The following TUSC3 variants were observed in gnomAD, a reference collection of about 807,000 sequenced individuals.
TUSC3 encodes dolichyl-diphosphooligosaccharide--protein glycosyltransferase subunit TUSC3.
TUSC3 carries 45 observed loss-of-function variants against 44.8 expected under a neutral mutation model. The observed-to-expected ratio is 1.00, with a 90% CI of 0.79 to 1.29. The LOEUF (loss-of-function observed/expected upper bound fraction) is 1.29. Among genes scored for constraint, TUSC3 ranks in the 50% most tolerant of loss-of-function variants. TUSC3 has a pLI of 0.00. For missense variants in TUSC3, 519 were observed against 437.9 expected (o/e 1.19, Z -1.65); for synonymous variants, 212 against 152.9 (o/e 1.39, Z -2.85).
intron 6 of TUSC3, among the ~76,000 whole-genome samples, chr8:15,687,095 A>C (rs1178352644): frequency 6.6e-6 from 1 of 152,204 alleles, no homozygotes; most frequent in Non-Finnish European, 1.5e-5. Flanking sequence ...AAACAAAAAA[A>C]TGGTAAGACA....
At chr8:15,508,655 G>A (rs1319095568) in intron 2 of TUSC3, among the ~76,000 whole-genome samples, 1 of 151,894 alleles carries the variant, frequency 6.6e-6, no homozygotes, top group Non-Finnish European at 1.5e-5. Flanking sequence ...TAGAGACCAG[G>A]TTTCACCGTG....
intron 1 of TUSC3, among the ~76,000 whole-genome samples, chr8:15,573,127 A>G (rs1305965761): frequency 1.4e-5 from 2 of 143,216 alleles, no homozygotes; most frequent in Non-Finnish European, 3.0e-5. Flanking sequence ...AAAAGGAAGT[A>G]TGTTTGCTTA....
chr8:15,711,111 T>G (rs1809828761), intron 6 of TUSC3, among the ~76,000 whole-genome samples: 1 of 151,736 alleles, frequency 6.6e-6, no homozygotes, highest in African/African-American at 2.4e-5. Context: ...ACCTCCGTTT[T>G]CTTCGCTTTC....
intron 6 of TUSC3, among the ~76,000 whole-genome samples, chr8:15,684,374 G>A (rs1270944212): frequency 6.6e-6 from 1 of 152,136 alleles, no homozygotes; most frequent in African/African-American, 2.4e-5. Flanking sequence ...GAAGGGCAGA[G>A]GATCCTGACC....
chr8:15,494,781 G>A (rs1296075755), intron 2 of TUSC3, among the ~76,000 whole-genome samples: 1 of 152,172 alleles, frequency 6.6e-6, no homozygotes, highest in Non-Finnish European at 1.5e-5. Flanking sequence ...AATAGACAAT[G>A]CAGCCCTGCA....
At chr8:15,844,860 T>C in the TUSC3 span, among the ~76,000 whole-genome samples, 1 of 152,180 alleles carries the variant, frequency 6.6e-6, no homozygotes, top group Non-Finnish European at 1.5e-5. Context: ...CAATTTAATG[T>C]GGCAGCATGA....
the TUSC3 span, among the ~76,000 whole-genome samples, chr8:15,825,621 G>C: frequency 6.6e-6 from 1 of 152,102 alleles, no homozygotes; most frequent in Admixed American, 6.6e-5. Context: ...CTCTATTAAA[G>C]ACACTGCTCT....
At chr8:15,435,541 G>A (rs996240930) in intron 1 of TUSC3, among the ~76,000 whole-genome samples, 2 of 152,072 alleles carry the variant, frequency 1.3e-5, no homozygotes, top group African/African-American at 4.8e-5. Flanking sequence ...TAATATAGAA[G>A]TACTGGACTG....
chr8:15,591,890 A>G (rs1309529269), intron 1 of TUSC3, among the ~76,000 whole-genome samples: 2 of 152,180 alleles, frequency 1.3e-5, no homozygotes, highest in African/African-American at 4.8e-5. Flanking sequence ...AGTTTAAATC[A>G]AGGAGGTGAC....
chr8:15,601,917 A>AT (rs5889587), intron 1 of TUSC3, among the ~76,000 whole-genome samples: 127,532 of 149,290 alleles, frequency 0.85, 54,659 homozygotes, highest in Non-Finnish European at 0.87. Context: ...TTATTTATGT[A>AT]TTTTTTTTTA....
chr8:15,676,288 CTGTT>C (rs1293975461), intron 6 of TUSC3, among the ~76,000 whole-genome samples: 1 of 152,148 alleles, frequency 6.6e-6, no homozygotes. Context: ...TCAGAAGTGT[CTGTT>C]CATGTCTTTG....
chr8:15,761,327 G>C (rs1233191646), intron 10 of TUSC3, among the ~76,000 whole-genome samples: 1 of 152,126 alleles, frequency 6.6e-6, no homozygotes, highest in African/African-American at 2.4e-5. Context: ...TCTTCTTTGT[G>C]TAAACAGTCT....
upstream of TUSC3, among the ~76,000 whole-genome samples, chr8:15,536,740 G>T (rs949543014): frequency 6.5e-5 from 9 of 138,306 alleles, no homozygotes; most frequent in Admixed American, 3.8e-4. Context: ...CAGGAAGGCA[G>T]GATTAAGGAG....
downstream of TUSC3, among the ~76,000 whole-genome samples, chr8:15,767,377 T>A (rs1812361284): frequency 6.6e-6 from 1 of 150,956 alleles, no homozygotes; most frequent in African/African-American, 2.4e-5. Context: ...TATGCATAGA[T>A]GTCAGGAAAA....
chr8:15,687,196 T>G (rs1271707802), intron 6 of TUSC3, among the ~76,000 whole-genome samples: 2 of 152,230 alleles, frequency 1.3e-5, no homozygotes, highest in Non-Finnish European at 2.9e-5. Flanking sequence ...TATGCCTTTA[T>G]TTTTCCATCT....
upstream of TUSC3, among the ~76,000 whole-genome samples, chr8:15,539,748 C>T (rs1433518651): frequency 6.6e-6 from 1 of 152,092 alleles, no homozygotes; most frequent in Admixed American, 6.5e-5. Context: ...TACTTATGCA[C>T]TCCATGGATG....
intron 2 of TUSC3, among the ~76,000 whole-genome samples, chr8:15,517,814 GC>G (rs1801240762): frequency 6.6e-6 from 1 of 151,710 alleles, no homozygotes; most frequent in African/African-American, 2.4e-5. Context: ...CATAAATAAT[GC>G]ATATGTGTTT....
intron 1 of TUSC3, among the ~76,000 whole-genome samples, chr8:15,432,321 G>C (rs1799882500): frequency 6.6e-6 from 1 of 152,004 alleles, no homozygotes; most frequent in Non-Finnish European, 1.5e-5. Context: ...TATTTTCCAT[G>C]TCTTCATGTT....
chr8:15,635,441 C>T (rs1806022798), intron 2 of TUSC3, among the ~76,000 whole-genome samples: 1 of 152,124 alleles, frequency 6.6e-6, no homozygotes, highest in South Asian at 2.1e-4. Flanking sequence ...GAATGCCTTA[C>T]CTATTGGCTT....
Sources: gnomAD v4.1 joint callset for allele counts (sites outside exome capture counted in the v4.1 genomes callset) on GRCh38, gnomAD v4.1.1 for gene constraint, MANE v1.5 for transcripts, NCBI Gene and HGNC (gene_info 2026-07-23, HGNC 2026-07-21) for gene names.